The following MEIG1 variants were observed in gnomAD, a reference collection of about 807,000 sequenced individuals.
MEIG1 encodes the protein meiosis/spermiogenesis associated 1, also known as meiosis expressed gene 1 protein homolog.
In MEIG1, 12 loss-of-function variants were observed where a neutral mutation model predicts 11.3. That is an observed-to-expected ratio of 1.07 (90% CI 0.68 to 1.73). MEIG1 has a LOEUF of 1.73. Ranked by LOEUF, MEIG1 falls within the 40% of genes most tolerant of loss-of-function variation. The pLI is 0.00. For synonymous variants in MEIG1, 41 were observed against 33.2 expected, an observed-to-expected ratio of 1.24 and a Z score of -0.81; for missense variants, 119 against 104.9, an observed-to-expected ratio of 1.13 and a Z score of -0.59.
At chr10:14,965,038 T>A (rs1284044175) in intron 1 of MEIG1, among the ~76,000 whole-genome samples, 1 of 152,086 alleles carries the variant, frequency 6.6e-6, no homozygotes, top group East Asian at 1.9e-4. Context: ...CTGACTTCAG[T>A]CTCCCCAACT....
At chr10:14,955,020 C>A (rs1482719599), upstream of MEIG1, among the ~76,000 whole-genome samples, 1 of 152,234 alleles carries the variant, frequency 6.6e-6, no homozygotes, top group African/African-American at 2.4e-5. Context: ...CAACCTCCGC[C>A]TCCCGGGTTC....
intron 1 of MEIG1, among the ~76,000 whole-genome samples, chr10:14,981,620 GCT>G (rs1843266220): frequency 6.6e-6 from 1 of 152,132 alleles, no homozygotes; most frequent in African/African-American, 2.4e-5. Flanking sequence ...CTGACCAGAG[GCT>G]CTTTGGGGAC....
chr10:14,960,095 C>T (rs1842995119), intron 1 of MEIG1, among the ~76,000 whole-genome samples: 1 of 151,774 alleles, frequency 6.6e-6, no homozygotes, highest in Admixed American at 6.6e-5. Context: ...CGACAGCAGA[C>T]GGGAGTTCCA....
At chr10:14,954,993 G>C (rs984974144), upstream of MEIG1, among the ~76,000 whole-genome samples, 9 of 152,134 alleles carry the variant, frequency 5.9e-5, no homozygotes, top group African/African-American at 2.2e-4. Context: ...GTGCAGTGGC[G>C]TGATTTCGGC....
chr10:14,956,496 T>C (rs7094448), upstream of MEIG1, among the ~76,000 whole-genome samples: 114,711 of 151,894 alleles, frequency 0.76, 43,919 homozygotes, highest in African/African-American at 0.87. Context: ...GCAGGAGAAT[T>C]GCTTGTACCC....
intron 1 of MEIG1, among the ~76,000 whole-genome samples, chr10:14,962,137 A>C (rs1472906542): frequency 6.6e-6 from 1 of 152,160 alleles, no homozygotes; most frequent in Admixed American, 6.6e-5. Flanking sequence ...TTTTTTTGGC[A>C]CAACTGCCAG....
intron 2 of MEIG1, among the ~76,000 whole-genome samples, chr10:14,967,257 TC>T (rs1843096606): frequency 6.6e-6 from 1 of 152,202 alleles, no homozygotes; most frequent in Non-Finnish European, 1.5e-5. Context: ...AACTATTATT[TC>T]CCTCCTGTTA....
intron 2 of MEIG1, among the ~76,000 whole-genome samples, chr10:14,972,069 C>T (rs1589212112): frequency 6.6e-6 from 1 of 151,072 alleles, no homozygotes; most frequent in East Asian, 1.9e-4. Flanking sequence ...GGCTGGAGTG[C>T]AGTGGCGCCA....
intron 1 of MEIG1, 31 bp from the exon 2 acceptor site, chr10:14,966,409 T>A (rs1460249549): frequency 6.8e-7 from 1 of 1,477,190 alleles, no homozygotes; most frequent in African/African-American, 1.4e-5. Flanking sequence ...ACTATTACAT[T>A]ATCCATTAAT....
At chr10:14,962,500 C>G (rs1415047311) in intron 1 of MEIG1, among the ~76,000 whole-genome samples, 1 of 152,120 alleles carries the variant, frequency 6.6e-6, no homozygotes, top group African/African-American at 2.4e-5. Context: ...CAATTGAATA[C>G]AGCATATTTT....
intron 1 of MEIG1, among the ~76,000 whole-genome samples, chr10:14,963,880 T>C (rs879640432): frequency 2.6e-5 from 4 of 152,088 alleles, no homozygotes; most frequent in African/African-American, 9.7e-5. Flanking sequence ...AGGCGGATCA[T>C]GAGTTCAGGA....
intron 2 of MEIG1, among the ~76,000 whole-genome samples, chr10:14,969,264 T>G (rs768448008): frequency 3.3e-5 from 5 of 151,226 alleles, no homozygotes; most frequent in African/African-American, 1.2e-4. Flanking sequence ...CTGGGTGACA[T>G]AGTGAGAACC....
At chr10:14,968,126 G>A (rs907760030) in intron 2 of MEIG1, among the ~76,000 whole-genome samples, 7 of 152,178 alleles carry the variant, frequency 4.6e-5, no homozygotes, top group African/African-American at 1.4e-4. Flanking sequence ...TGTAGATTTT[G>A]CAGATCACTA....
chr10:14,970,740 G>C (rs1843139390), intron 2 of MEIG1, among the ~76,000 whole-genome samples: 1 of 152,188 alleles, frequency 6.6e-6, no homozygotes, highest in African/African-American at 2.4e-5. Context: ...GACACAGATG[G>C]TATATTCATC....
At chr10:14,966,158 G>C (rs1468730195) in intron 1 of MEIG1, among the ~76,000 whole-genome samples, 1 of 142,914 alleles carries the variant, frequency 7.0e-6, no homozygotes, top group East Asian at 2.1e-4. Context: ...CCACCTCCTG[G>C]GTTCAAGCCA....
chr10:14,972,690 T>G lies in MEIG1; in HGVS notation c.*49T>G. 1 of 1,458,600 alleles carries G rather than the reference T, an allele frequency of 6.9e-7. No homozygotes were observed. The highest frequency in any genetic ancestry group is 9.2e-7 in the Non-Finnish European group (1 of 1,084,284). 90.4% of individuals were successfully genotyped at this position (1,458,600 alleles called of 1,614,324 possible). On this transcript the variant is annotated 3_prime_UTR_variant, in exon 3 of 3. Transcript: ENST00000407572. ...CAATTATATTTTAAGTATTCATCAT[T>G]TCCTTCTACATCATGTGTTTGTCAT...
At chr10:14,976,090 C>T (rs188840657), downstream of MEIG1, among the ~76,000 whole-genome samples, 695 of 152,232 alleles carry the variant, frequency 4.6e-3, 7 homozygotes, top group Middle Eastern at 0.061. Flanking sequence ...CGGGGGGCGT[C>T]CGCCCCCTTG....
At chr10:14,959,288 G>C (rs1478616160), upstream of MEIG1, among the ~76,000 whole-genome samples, 3 of 152,238 alleles carry the variant, frequency 2.0e-5, no homozygotes, top group Non-Finnish European at 1.5e-5. Context: ...GCCCACCCCA[G>C]CCCTCGCGCA....
At chr10:14,975,009 T>C (rs1843195903), downstream of MEIG1, among the ~76,000 whole-genome samples, 1 of 152,014 alleles carries the variant, frequency 6.6e-6, no homozygotes, top group Non-Finnish European at 1.5e-5. Context: ...AGCATGATAT[T>C]ACGTTCAATA....
Sources: gnomAD v4.1 joint callset for allele counts (sites outside exome capture counted in the v4.1 genomes callset) on GRCh38, gnomAD v4.1.1 for gene constraint, MANE v1.5 for transcripts, NCBI Gene and HGNC (gene_info 2026-07-23, HGNC 2026-07-21) for gene names.